RBFOX2: variants seen among roughly 807,000 people sequenced by gnomAD.
RBFOX2 encodes RNA binding fox-1 homolog 2.
A neutral mutation model predicts 49.1 loss-of-function variants in RBFOX2; 10 were observed. The ratio of observed to expected loss-of-function variants is 0.20; its 90% CI spans 0.13 to 0.35. The LOEUF is 0.35. RBFOX2 is among the 10% of genes least tolerant of loss of function. The pLI is 1.00. For missense variants in RBFOX2, 323 were observed against 486.9 expected, an observed-to-expected ratio of 0.66 and a Z score of 3.17; for synonymous variants, 183 against 187.4, an observed-to-expected ratio of 0.98 and a Z score of 0.19.
At chr22:35,760,274 G>A (rs926408870) in intron 8 of RBFOX2, among the ~76,000 whole-genome samples, 119 of 152,288 alleles carry the variant, frequency 7.8e-4, no homozygotes, top group African/African-American at 2.7e-3. Flanking sequence ...GAGCTTCTCT[G>A]TTCCTTCTCA....
chr22:35,755,360 G>T (rs920930718), intron 9 of RBFOX2, among the ~76,000 whole-genome samples: 1 of 152,138 alleles, frequency 6.6e-6, no homozygotes, highest in African/African-American at 2.4e-5. Flanking sequence ...AACCAATCAT[G>T]GAACTTTAGT....
chr22:35,825,267 C>T (rs1050999067), intron 1 of RBFOX2, among the ~76,000 whole-genome samples: 8 of 152,074 alleles, frequency 5.3e-5, no homozygotes, highest in Admixed American at 5.2e-4. Context: ...CAATTCTGTG[C>T]TTACCCCAGA....
At chr22:35,886,596 GTACAGCAGGTGAC>G (rs1316160657) in intron 1 of RBFOX2, among the ~76,000 whole-genome samples, 20 of 152,318 alleles carry the variant, frequency 1.3e-4, no homozygotes, top group African/African-American at 4.8e-4. Flanking sequence ...CTACAAACAT[GTACAGCAGGTGAC>G]TACTGAATAC....
intron 2 of RBFOX2, among the ~76,000 whole-genome samples, chr22:35,800,110 A>G (rs112255705): frequency 6.6e-6 from 1 of 152,226 alleles, no homozygotes. Context: ...AATTGGAGGT[A>G]AAATGATTTA....
At chr22:35,792,520 T>C (rs1172555656) in intron 2 of RBFOX2, among the ~76,000 whole-genome samples, 1 of 152,140 alleles carries the variant, frequency 6.6e-6, no homozygotes, top group Non-Finnish European at 1.5e-5. Context: ...GATTATGACA[T>C]ATTTAATATT....
chr22:35,859,003 A>T (rs780716273), intron 1 of RBFOX2, among the ~76,000 whole-genome samples: 1 of 152,182 alleles, frequency 6.6e-6, no homozygotes, highest in Non-Finnish European at 1.5e-5. Flanking sequence ...TTCAATCATG[A>T]TATCTTCAAC....
chr22:35,950,888 A>T (rs537338760), intron 1 of RBFOX2, among the ~76,000 whole-genome samples: 26 of 151,268 alleles, frequency 1.7e-4, no homozygotes, highest in African/African-American at 5.6e-4. Context: ...ATCTGCTGTT[A>T]TTTAGAGTTT....
chr22:36,003,478 AC>A (rs1296763633), intron 1 of RBFOX2, among the ~76,000 whole-genome samples: 2 of 152,196 alleles, frequency 1.3e-5, no homozygotes, highest in South Asian at 4.1e-4. Context: ...TAGGGAAGCA[AC>A]CTTCAAATGT....
At chr22:35,899,137 C>T (rs541854859) in intron 1 of RBFOX2, among the ~76,000 whole-genome samples, 1 of 150,630 alleles carries the variant, frequency 6.6e-6, no homozygotes, top group East Asian at 2.0e-4. Flanking sequence ...CATAACATAA[C>T]ATAACATAAC....
At chr22:35,794,854 C>T (rs754642714) in intron 2 of RBFOX2, among the ~76,000 whole-genome samples, 14 of 152,066 alleles carry the variant, frequency 9.2e-5, no homozygotes, top group East Asian at 1.9e-4. Flanking sequence ...AGCATTAACG[C>T]GCCTAGCAAT....
rs538299246 is a variant in RBFOX2 at position 36,024,139 on chromosome 22, G to A, written c.186+4101C>T. On this transcript the variant is annotated intron_variant, in intron 1 of 13. Transcript: ENST00000438146. ...ATTCTGTGATGATACCCTCACTCTG[G>A]AATTTCACAATTTTTCTTAATCCTT... 9.2e-5 allele frequency among the ~76,000 whole-genome samples: 14 copies of A among 152,166 alleles called. No individual in the cohort carries two copies. The South Asian group carries it at 2.9e-3, about 32-fold the overall frequency.
At chr22:35,881,904 A>G (rs2045953052) in intron 1 of RBFOX2, among the ~76,000 whole-genome samples, 1 of 151,720 alleles carries the variant, frequency 6.6e-6, no homozygotes, top group African/African-American at 2.4e-5. Flanking sequence ...GGTTGCAGTG[A>G]GCCAAGATCA....
At chr22:36,023,440 ATAAG>A (rs1250656132) in intron 1 of RBFOX2, among the ~76,000 whole-genome samples, 1 of 152,222 alleles carries the variant, frequency 6.6e-6, no homozygotes, top group Non-Finnish European at 1.5e-5. Flanking sequence ...GCTGAAAGCT[ATAAG>A]TAATAAGGTA....
intron 4 of RBFOX2, among the ~76,000 whole-genome samples, chr22:35,774,943 A>G (rs116896918): frequency 0.013 from 1,904 of 152,278 alleles, 12 homozygotes; most frequent in Non-Finnish European, 0.019. Flanking sequence ...TTTTTCCATT[A>G]CTGCTCTAAA....
chr22:35,743,484 A>T (rs1034664522), exon 12 of RBFOX2: 7 of 152,184 alleles, frequency 4.6e-5, no homozygotes, highest in Admixed American at 3.3e-4. Context: ...GGTGTTTATT[A>T]TCCACTGTCT....
chr22:35,962,842 T>C (rs1344772562), upstream of RBFOX2, among the ~76,000 whole-genome samples: 1 of 152,044 alleles, frequency 6.6e-6, no homozygotes, highest in South Asian at 2.1e-4. Context: ...CTCAGAGCCA[T>C]ATTTGATAGC....
intron 1 of RBFOX2, among the ~76,000 whole-genome samples, chr22:35,900,063 G>C (rs1390199403): frequency 2.6e-5 from 4 of 152,170 alleles, no homozygotes; most frequent in African/African-American, 9.7e-5. Flanking sequence ...GAAAGGGTCT[G>C]GAGCCACATT....
At chr22:35,816,536 C>T (rs1247788975) in intron 1 of RBFOX2, among the ~76,000 whole-genome samples, 1 of 152,160 alleles carries the variant, frequency 6.6e-6, no homozygotes, top group Non-Finnish European at 1.5e-5. Context: ...AGATGTTAGG[C>T]AACTTGTAGG....
At chr22:35,884,883 G>A (rs2046372619) in intron 1 of RBFOX2, among the ~76,000 whole-genome samples, 1 of 152,046 alleles carries the variant, frequency 6.6e-6, no homozygotes, top group African/African-American at 2.4e-5. Context: ...TTCCTTCCCC[G>A]TTGTAAGATG....
Sources: gnomAD v4.1 joint callset for allele counts (sites outside exome capture counted in the v4.1 genomes callset) on GRCh38, gnomAD v4.1.1 for gene constraint, MANE v1.5 for transcripts, NCBI Gene and HGNC (gene_info 2026-07-23, HGNC 2026-07-21) for gene names.